Variants in DAB1 observed in about 807,000 individuals in gnomAD.
DAB1 encodes the protein DAB adaptor protein 1, also known as disabled homolog 1.
DAB1 carries 15 observed loss-of-function variants against 64.6 expected under a neutral mutation model. The ratio of observed to expected loss-of-function variants is 0.23; its 90% CI spans 0.16 to 0.36. The LOEUF (loss-of-function observed/expected upper bound fraction) is 0.36. DAB1 is among the 10% of genes least tolerant of loss of function. DAB1 has a pLI of 1.00. For missense variants in DAB1, 596 were observed against 706.7 expected (o/e 0.84, Z 1.78); for synonymous variants, 235 against 251.9 (o/e 0.93, Z 0.64).
intron 4 of DAB1, among the ~76,000 whole-genome samples, chr1:58,236,303 C>T (rs1008472570): frequency 9.2e-5 from 14 of 152,100 alleles, no homozygotes; most frequent in Admixed American, 2.0e-4. Context: ...GGGACAGAGG[C>T]GCACAGTAAC....
At chr1:57,845,571 C>T (rs545934555) in intron 1 of DAB1, among the ~76,000 whole-genome samples, 14 of 152,300 alleles carry the variant, frequency 9.2e-5, no homozygotes, top group African/African-American at 3.1e-4. Context: ...CTTTTGGAAA[C>T]TCAGTTTTTG....
intron 7 of DAB1, among the ~76,000 whole-genome samples, chr1:57,488,531 C>T (rs1644122426): frequency 6.6e-6 from 1 of 151,672 alleles, no homozygotes; most frequent in Non-Finnish European, 1.5e-5. Context: ...ACAAAATTAG[C>T]CGGGTGTGGT....
At chr1:58,442,082 G>A (rs546854702) in intron 3 of DAB1, among the ~76,000 whole-genome samples, 31 of 152,296 alleles carry the variant, frequency 2.0e-4, no homozygotes, top group South Asian at 6.2e-4. Context: ...AGGGCACACT[G>A]GGGTGCCTCC....
At chr1:58,036,489 C>A (rs753011388) in intron 5 of DAB1, among the ~76,000 whole-genome samples, 8 of 152,190 alleles carry the variant, frequency 5.3e-5, no homozygotes, top group Admixed American at 1.3e-4. Context: ...ATAGTCGCCA[C>A]TAAATGGGAC....
chr1:57,585,503 A>C (rs993737470), intron 7 of DAB1, among the ~76,000 whole-genome samples: 1 of 152,148 alleles, frequency 6.6e-6, no homozygotes, highest in African/African-American at 2.4e-5. Context: ...ATGGAACAAT[A>C]ATGGGCATGA....
intron 5 of DAB1, among the ~76,000 whole-genome samples, chr1:58,042,901 T>A (rs1461127991): frequency 1.3e-5 from 2 of 152,162 alleles, no homozygotes; most frequent in African/African-American, 4.8e-5. Context: ...AGCCGTCCAT[T>A]TACTACACTG....
chr1:57,428,206 G>A (rs1177291056), upstream of DAB1, among the ~76,000 whole-genome samples: 1 of 152,026 alleles, frequency 6.6e-6, no homozygotes, highest in Non-Finnish European at 1.5e-5. Flanking sequence ...AAAATTTCAA[G>A]TACATAGTGC....
At chr1:58,490,899 G>T (rs952450569) in intron 3 of DAB1, among the ~76,000 whole-genome samples, 57 of 139,152 alleles carry the variant, frequency 4.1e-4, no homozygotes, top group African/African-American at 1.2e-3. Flanking sequence ...TCTGCCTCCT[G>T]GGTTCACACC....
chr1:58,218,744 C>G (rs1658986809), intron 4 of DAB1, among the ~76,000 whole-genome samples: 2 of 152,084 alleles, frequency 1.3e-5, no homozygotes, highest in Non-Finnish European at 2.9e-5. Flanking sequence ...GCTCAATGAC[C>G]ACAACCTCTG....
At chr1:57,310,668 A>G (rs1171001829) in intron 1 of DAB1, among the ~76,000 whole-genome samples, 2 of 152,192 alleles carry the variant, frequency 1.3e-5, no homozygotes, top group Non-Finnish European at 2.9e-5. Context: ...AAAGAAAAAT[A>G]ATAATCTCAT....
chr1:57,365,861 G>T (rs1224122902), intron 1 of DAB1, among the ~76,000 whole-genome samples: 2 of 152,122 alleles, frequency 1.3e-5, no homozygotes, highest in Non-Finnish European at 2.9e-5. Context: ...AGTGTGTCTT[G>T]CTAAATCCCG....
intron 6 of DAB1, among the ~76,000 whole-genome samples, chr1:57,732,344 G>A (rs529418532): frequency 2.6e-4 from 39 of 152,278 alleles, no homozygotes; most frequent in African/African-American, 8.7e-4. Flanking sequence ...CACTACTGTC[G>A]ACTGTGCAGT....
chr1:57,513,836 CA>C (rs1409907476), intron 7 of DAB1, among the ~76,000 whole-genome samples: 6 of 152,270 alleles, frequency 3.9e-5, no homozygotes, highest in Non-Finnish European at 8.8e-5. Flanking sequence ...AATATCTCTC[CA>C]ACACTCTCTT....
chr1:58,366,667 G>A (rs1404170314), intron 3 of DAB1, among the ~76,000 whole-genome samples: 1 of 152,152 alleles, frequency 6.6e-6, no homozygotes, highest in Admixed American at 6.5e-5. Context: ...TGGAGCTCCC[G>A]ATTCTCCAAG....
intron 4 of DAB1, among the ~76,000 whole-genome samples, chr1:57,088,166 G>T (rs1199756444): frequency 6.6e-6 from 1 of 152,180 alleles, no homozygotes; most frequent in African/African-American, 2.4e-5. Context: ...CACCTCCTGG[G>T]TTCAAGTGAT....
At chr1:57,134,114 C>T (rs1336404967) in intron 4 of DAB1, among the ~76,000 whole-genome samples, 2 of 152,078 alleles carry the variant, frequency 1.3e-5, no homozygotes, top group Non-Finnish European at 2.9e-5. Context: ...TTGAATACCC[C>T]CAGCGACGGT....
At chr1:58,281,187 G>A (rs12737032) in intron 4 of DAB1, among the ~76,000 whole-genome samples, 90,425 of 152,106 alleles carry the variant, frequency 0.59, 29,639 homozygotes, top group Middle Eastern at 0.73. Flanking sequence ...GCAAAGGATA[G>A]ACATTTTATT....
intron 4 of DAB1, among the ~76,000 whole-genome samples, chr1:58,179,766 T>G (rs1330385825): frequency 2.6e-5 from 4 of 152,074 alleles, no homozygotes; most frequent in African/African-American, 9.6e-5. Context: ...TTATTAATAT[T>G]TTCATTAAAT....
Position 57,641,378 on chromosome 1 carries a change from GGTTT to G in DAB1, n.625+8210_625+8213del, listed in dbSNP as rs1261948489. On this transcript the variant is annotated intron_variant and non_coding_transcript_variant, in intron 7 of 20. Transcript: ENST00000485760. ...TGCCCAGTTCCCTCTTTTTTTTGTT[GGTTT>G]TTTTTTTTTTTTTTTTTTTGAGACG... Among the ~76,000 whole-genome samples the G allele has an allele frequency of 3.6e-5, 4 of 109,804 alleles. 1 individual carries two copies. The highest frequency in any genetic ancestry group is 1.3e-4 in the African/African-American group (4 of 29,980). 72.0% of individuals were successfully genotyped at this position (109,804 alleles called of 152,430 possible).
Sources: allele counts gnomAD v4.1 joint callset (sites outside exome capture counted in the v4.1 genomes callset), GRCh38; gene constraint gnomAD v4.1.1; transcripts MANE v1.5; gene names NCBI Gene and HGNC (gene_info 2026-07-23, HGNC 2026-07-21).